The following TNRC18 variants were observed in gnomAD, a reference collection of about 807,000 sequenced individuals.
TNRC18 encodes the protein trinucleotide repeat-containing gene 18 protein.
A neutral mutation model predicts 226.7 loss-of-function variants in TNRC18; 69 were observed. That is an observed-to-expected ratio of 0.30 (90% CI 0.25 to 0.37). TNRC18 has a LOEUF of 0.37. Ranked by LOEUF, TNRC18 falls within the 10% of genes least tolerant of loss-of-function variation. The pLI, the probability that TNRC18 is intolerant of heterozygous loss-of-function variation, is 1.00. For missense variants in TNRC18, 4,754 were observed against 4,256.6 expected (o/e 1.12, Z -3.25); for synonymous variants, 2,449 against 1,927.6 (o/e 1.27, Z -7.09).
chr7:5,359,613 G>A, intron 14 of TNRC18, 44 bp from the exon 15 acceptor site: 8 of 1,609,466 alleles, frequency 5.0e-6, no homozygotes, highest in Non-Finnish European at 6.8e-6. Flanking sequence ...GGCCAGACAA[G>A]GCTCGCAGGC....
At chr7:5,404,761 T>C (rs1437900775) in intron 2 of TNRC18, among the ~76,000 whole-genome samples, 2 of 130,892 alleles carry the variant, frequency 1.5e-5, no homozygotes, top group African/African-American at 6.7e-5. Context: ...ATGCACACTT[T>C]CAGTGTGTGT....
At chr7:5,328,568 G>A (rs909025898) in intron 19 of TNRC18, among the ~76,000 whole-genome samples, 1 of 151,392 alleles carries the variant, frequency 6.6e-6, no homozygotes, top group African/African-American at 2.4e-5. Flanking sequence ...GAGTGCAGTG[G>A]CACAATCTCG....
intron 2 of TNRC18, among the ~76,000 whole-genome samples, chr7:5,416,152 A>C (rs992045825): frequency 1.3e-4 from 19 of 144,930 alleles, no homozygotes; most frequent in Non-Finnish European, 2.1e-4. Context: ...CGGTGGCTCA[A>C]GCCTGTAATC....
rs747226189 is a variant in TNRC18 at position 5,313,006 on chromosome 7, A to T, written c.7885T>A (p.Ser2629Thr). 1 of 448,386 alleles carries T rather than the reference A, an allele frequency of 2.2e-6. No individual in the cohort carries two copies. Among genetic ancestry groups the T allele is most frequent in the Non-Finnish European group, 3.7e-6 (1 of 272,004 alleles). 27.8% of individuals were successfully genotyped at this position (448,386 alleles called of 1,614,324 possible). A position where few individuals can be genotyped will look rare whatever the true frequency, so the allele number is the denominator to read the frequency against. ...GAGGAGGAGGAGGAAGAGGAGGATG[A>T]GGAGGAGGAGGAGGAGGAGGAGGAG... The part of the protein sequence containing the change: ...SSSSSSSSSS[S>T]SSSSSSSSSS... The change falls in exon 27 of 30, where the codon TCA becomes ACA. Residue 2629 changes from serine to threonine, a missense_variant. By Grantham distance (58) the Ser-to-Thr change is moderately conservative (BLOSUM62 1). Coordinates refer to ENST00000430969, the MANE Select transcript of TNRC18 (RefSeq NM_001080495.3).
rs558754519 is a variant in TNRC18, at chr7:5,341,293, C to A, written c.5719+4269G>T. Among the ~76,000 whole-genome samples the A allele has an allele frequency of 2.6e-4, 40 of 151,394 alleles. 1 individual carries two copies. The highest frequency in any genetic ancestry group is 8.8e-5 in the Non-Finnish European group (6 of 67,828). ...AATTAGCCAGGCATGGTGGCGGGCA[C>A]CTGTAGTCTCACCTACTCGGGAGGC... On this transcript the variant is annotated intron_variant, in intron 18 of 29. Transcript: ENST00000430969.
rs568266738 is a variant in TNRC18 at position 5,352,774 on chromosome 7, A to T, written c.5195-680T>A. ...GGGGAGACAACCAGCCAGCTTTGGGAGGGGAGCCTGCCAGGCAGGCAACGC... is the reference window on the plus strand; with the variant it reads ...GGGGAGACAACCAGCCAGCTTTGGGTGGGGAGCCTGCCAGGCAGGCAACGC... On this transcript the variant is annotated intron_variant, in intron 16 of 29. Coordinates refer to ENST00000430969, the MANE Select transcript of TNRC18 (RefSeq NM_001080495.3). Among the ~76,000 whole-genome samples the T allele has an allele frequency of 2.0e-5, 3 of 152,336 alleles. No homozygotes were observed. In the East Asian group the frequency reaches 5.8e-4, roughly 29 times the overall value.
chr7:5,402,657 C>A (rs1781188304), intron 2 of TNRC18, among the ~76,000 whole-genome samples: 1 of 152,106 alleles, frequency 6.6e-6, no homozygotes, highest in South Asian at 2.1e-4. Flanking sequence ...AGTTCAAGAC[C>A]AGCCTGGTCA....
At position 5,377,983 on chromosome 7, in the gene TNRC18, T is replaced by C. The variant is rs1779124285; in HGVS notation, c.2194A>G (p.Arg732Gly). Reference sequence around the variant, plus strand: ...CCGAGCAGCCGTTCCTCCCGGTGTCTGGCCCGGTCGTCCACACAGTCCTCA... The same window carrying C: ...CCGAGCAGCCGTTCCTCCCGGTGTCCGGCCCGGTCGTCCACACAGTCCTCA... ...ADEDCVDDRA[R>G]HREERLLGAR... is the part of the protein sequence containing the mutation. Residue 732 changes from arginine to glycine, a missense_variant, in exon 6 of 30, where the codon AGA becomes GGA. By Grantham distance (125) the Arg-to-Gly change is moderately radical. Coordinates refer to ENST00000430969, the MANE Select transcript of TNRC18 (RefSeq NM_001080495.3). The surrounding 1 kb of genome is among the most constrained non-coding windows in gnomAD (Gnocchi z 5.8). 2 of 1,613,152 alleles carry C rather than the reference T, an allele frequency of 1.2e-6. No homozygotes were observed. Among genetic ancestry groups the C allele is most frequent in the African/African-American group, 1.3e-5 (1 of 74,964 alleles).
At chr7:5,363,401 G>A (rs1793275606) in intron 11 of TNRC18, among the ~76,000 whole-genome samples, 1 of 151,958 alleles carries the variant, frequency 6.6e-6, no homozygotes, top group African/African-American at 2.4e-5. Flanking sequence ...AGGAGATGGA[G>A]ACCATCCTGG....
At chr7:5,413,386 CCCAT>C (rs1474808485) in intron 2 of TNRC18, among the ~76,000 whole-genome samples, 1 of 152,180 alleles carries the variant, frequency 6.6e-6, no homozygotes, top group East Asian at 1.9e-4. Flanking sequence ...CCCTCCTCTC[CCCAT>C]CCGTCTTACC....
chr7:5,371,796 C>T (rs946486781), intron 10 of TNRC18, among the ~76,000 whole-genome samples: 2 of 151,552 alleles, frequency 1.3e-5, no homozygotes, highest in African/African-American at 2.4e-5. Context: ...CAGAGCCAGG[C>T]GTGGTGGGCC....
At chr7:5,339,541 ATGTGTGTGTG>A (rs71536907) in intron 18 of TNRC18, among the ~76,000 whole-genome samples, 15 of 137,160 alleles carry the variant, frequency 1.1e-4, no homozygotes, top group East Asian at 2.3e-4. Flanking sequence ...TGCCCAGCCA[ATGTGTGTGTG>A]TGTGTGTGTG....
chr7:5,419,303 C>T (rs1008134589), intron 2 of TNRC18, among the ~76,000 whole-genome samples: 1 of 152,230 alleles, frequency 6.6e-6, no homozygotes, highest in Non-Finnish European at 1.5e-5. Flanking sequence ...CAGGCCGGAG[C>T]CAGATCGCAG....
rs113748013 is a variant in TNRC18 at position 5,309,462 on chromosome 7, G to A, written c.8389-94C>T. On this transcript the variant is annotated intron_variant, in intron 27 of 29. Transcript: ENST00000430969. The surrounding 1 kb of genome is among the most constrained non-coding windows in gnomAD (Gnocchi z 5.7). Reference sequence around the variant, plus strand: ...CTGCCGCTTGGGACTCTGGGCCCTCGGCCTCTAAATCAACCCCTATCCAAC... The same window carrying A: ...CTGCCGCTTGGGACTCTGGGCCCTCAGCCTCTAAATCAACCCCTATCCAAC... The A allele has an allele frequency of 7.4e-5, 86 of 1,158,214 alleles. No homozygotes were observed. In the Admixed American group the frequency reaches 1.5e-3, roughly 21 times the overall value. 71.7% of individuals were successfully genotyped at this position (1,158,214 alleles called of 1,614,324 possible).
intron 18 of TNRC18, among the ~76,000 whole-genome samples, chr7:5,341,641 G>C (rs1790695808): frequency 6.6e-6 from 1 of 151,590 alleles, no homozygotes. Flanking sequence ...GTGCACGCCT[G>C]TAATCCCAGC....
intron 2 of TNRC18, among the ~76,000 whole-genome samples, chr7:5,395,097 C>A (rs1311003675): frequency 6.6e-6 from 1 of 152,208 alleles, no homozygotes; most frequent in East Asian, 1.9e-4. Flanking sequence ...CACAGCAGCC[C>A]TAGCCAGCCC....
At chr7:5,337,800 T>C (rs1335397919) in intron 18 of TNRC18, among the ~76,000 whole-genome samples, 1 of 151,946 alleles carries the variant, frequency 6.6e-6, no homozygotes, top group Non-Finnish European at 1.5e-5. Context: ...CTGGCCAAGA[T>C]GGTGAAACCC....
At chr7:5,408,691 CAA>C (rs752742469) in intron 2 of TNRC18, among the ~76,000 whole-genome samples, 1 of 152,192 alleles carries the variant, frequency 6.6e-6, no homozygotes, top group Admixed American at 6.6e-5. Context: ...AGCAGAGAGA[CAA>C]GAGATGTGCG....
At position 5,324,627 on chromosome 7, in the gene TNRC18, C is replaced by T. The variant is rs376506767; in HGVS notation, c.6301-272G>A. 1.2e-3 allele frequency among the ~76,000 whole-genome samples: 187 copies of T among 152,354 alleles called. No individual in the cohort carries two copies. The highest frequency in any genetic ancestry group is 4.0e-3 in the African/African-American group (166 of 41,580). On this transcript the variant is annotated intron_variant, in intron 20 of 29. Coordinates refer to ENST00000430969, the MANE Select transcript of TNRC18 (RefSeq NM_001080495.3). The surrounding 1 kb of genome is among the most constrained non-coding windows in gnomAD (Gnocchi z 4.8). ...CAGCACTCAGTACTCACTACCATAC[C>T]TCAGTCCATCACTATGGCAGGTGCC...
Sources: gnomAD v4.1 joint callset for allele counts (sites outside exome capture counted in the v4.1 genomes callset) on GRCh38, gnomAD v4.1.1 for gene constraint, Gnocchi (gnomAD v3.1) non-coding constraint, MANE v1.5 for transcripts, NCBI Gene and HGNC (gene_info 2026-07-23, HGNC 2026-07-21) for gene names.